Variants in CUL2 observed in about 807,000 individuals in gnomAD.
CUL2 encodes the protein cullin-2.
In CUL2, 22 loss-of-function variants were observed where a neutral mutation model predicts 110.2. The ratio of observed to expected loss-of-function variants is 0.20; its 90% CI spans 0.14 to 0.28. The LOEUF is 0.28. Among genes scored for constraint, CUL2 ranks in the 10% least tolerant of loss-of-function variants. The pLI is 1.00. For synonymous variants in CUL2, 279 were observed against 293.2 expected (o/e 0.95, Z 0.49); for missense variants, 631 against 905.5 (o/e 0.70, Z 3.89).
intron 2 of CUL2, among the ~76,000 whole-genome samples, chr10:35,096,345 C>T (rs2087299820): frequency 6.6e-6 from 1 of 152,176 alleles, no homozygotes; most frequent in Admixed American, 6.6e-5. Context: ...TGGCTCATGC[C>T]TGTAATCCCA....
chr10:35,033,712 G>C (rs1211371817), intron 10 of CUL2, among the ~76,000 whole-genome samples: 3 of 150,872 alleles, frequency 2.0e-5, no homozygotes, highest in Admixed American at 1.3e-4. Flanking sequence ...ACTCCAGCTT[G>C]GGCGACAGAG....
At chr10:35,013,437 GAGA>G (rs2084953627) in intron 19 of CUL2, among the ~76,000 whole-genome samples, 1 of 151,982 alleles carries the variant, frequency 6.6e-6, no homozygotes, top group African/African-American at 2.4e-5. Flanking sequence ...GGAATTTTCG[GAGA>G]GAATGCATAG....
intron 16 of CUL2, among the ~76,000 whole-genome samples, chr10:35,026,634 C>T (rs971677503): frequency 2.0e-5 from 3 of 152,030 alleles, no homozygotes; most frequent in Admixed American, 2.0e-4. Context: ...CTGATTCATC[C>T]TTACATTTAA....
At chr10:35,122,319 G>GA (rs1203126393) in intron 1 of CUL2, among the ~76,000 whole-genome samples, 1 of 152,194 alleles carries the variant, frequency 6.6e-6, no homozygotes, top group Non-Finnish European at 1.5e-5. Context: ...TGGTCTAGTA[G>GA]AAAGAGTACA....
At chr10:35,094,985 A>T (rs778952806), upstream of CUL2, among the ~76,000 whole-genome samples, 21 of 152,020 alleles carry the variant, frequency 1.4e-4, no homozygotes, top group Non-Finnish European at 2.2e-4. Context: ...TTGGCCTTGT[A>T]TGTTTATTTA....
chr10:35,038,412 G>C (rs1321157888), intron 9 of CUL2, among the ~76,000 whole-genome samples: 1 of 146,412 alleles, frequency 6.8e-6, no homozygotes, highest in Non-Finnish European at 1.5e-5. Context: ...TGTAATCCCA[G>C]CTACTCAGGA....
chr10:35,095,608 G>A (rs765624790), upstream of CUL2, among the ~76,000 whole-genome samples: 1 of 152,088 alleles, frequency 6.6e-6, no homozygotes, highest in Non-Finnish European at 1.5e-5. Context: ...GCCCGGGCTG[G>A]AGTGCAGTGG....
At chr10:35,082,928 C>A (rs1237356320) in intron 1 of CUL2, among the ~76,000 whole-genome samples, 2 of 151,994 alleles carry the variant, frequency 1.3e-5, no homozygotes, top group African/African-American at 2.4e-5. Flanking sequence ...GAGGCCAAGG[C>A]GGGCAGATCA....
At chr10:35,037,706 G>A (rs1399581591) in intron 9 of CUL2, among the ~76,000 whole-genome samples, 1 of 152,068 alleles carries the variant, frequency 6.6e-6, no homozygotes, top group African/African-American at 2.4e-5. Context: ...AGCCAGGTGT[G>A]GGGGCGGATG....
At chr10:35,069,596 A>G (rs1000171007) in intron 2 of CUL2, among the ~76,000 whole-genome samples, 2 of 152,166 alleles carry the variant, frequency 1.3e-5, no homozygotes, top group African/African-American at 4.8e-5. Context: ...TAGATGGACC[A>G]AACAAATAAC....
chr10:35,077,335 AAAAC>A (rs1041473277), intron 1 of CUL2, among the ~76,000 whole-genome samples: 2 of 150,784 alleles, frequency 1.3e-5, no homozygotes, highest in Non-Finnish European at 3.0e-5. Context: ...ACAAACAAAA[AAAAC>A]AAACAAAAAT....
Position 35,062,989 on chromosome 10 carries a change from A to G in CUL2, c.193T>C (p.Leu65=). 6.2e-7 allele frequency: 1 copy of G among 1,610,074 alleles called. No homozygotes were observed. The highest frequency in any genetic ancestry group is 8.5e-7 in the Non-Finnish European group (1 of 1,176,490). ...ERLYTETKIF[L]ENHVRHLHKR... is the part of the protein sequence containing the mutation. ...TGCAAATGCCGAACATGATTTTCCAAAAAAATCTTAGTTTCTGTATAAAGT... is the reference window on the plus strand; with the variant it reads ...TGCAAATGCCGAACATGATTTTCCAGAAAAATCTTAGTTTCTGTATAAAGT... Residue 65 remains leucine (L), a synonymous_variant, in exon 3 of 21, where the codon TTG becomes CTG. Transcript: ENST00000374749.
chr10:35,095,760 C>T (rs1243279272), intron 2 of CUL2, among the ~76,000 whole-genome samples: 3 of 152,076 alleles, frequency 2.0e-5, no homozygotes, highest in African/African-American at 7.2e-5. Context: ...AAGGTTTCAC[C>T]ATATTGGCCA....
chr10:35,096,120 T>C (rs1373496165), intron 2 of CUL2, among the ~76,000 whole-genome samples: 1 of 151,818 alleles, frequency 6.6e-6, no homozygotes, highest in Non-Finnish European at 1.5e-5. Flanking sequence ...TGGTGGTGTG[T>C]GCCTGTAATC....
At chr10:35,098,926 T>C (rs1170450079) in intron 2 of CUL2, among the ~76,000 whole-genome samples, 1 of 151,910 alleles carries the variant, frequency 6.6e-6, no homozygotes, top group East Asian at 2.0e-4. Context: ...AAAGCAAGAC[T>C]CTGTCTCGAA....
chr10:35,091,909 T>C (rs1459258995), upstream of CUL2, among the ~76,000 whole-genome samples: 1 of 151,964 alleles, frequency 6.6e-6, no homozygotes, highest in Non-Finnish European at 1.5e-5. Context: ...ATTACAGGCC[T>C]GAGCCACCGT....
chr10:35,098,553 T>A (rs537429436), intron 2 of CUL2, among the ~76,000 whole-genome samples: 2 of 150,930 alleles, frequency 1.3e-5, no homozygotes, highest in African/African-American at 2.4e-5. Flanking sequence ...AAAAAAAAAA[T>A]GTGTGTTACC....
At chr10:35,052,476 G>A (rs868444755) in intron 5 of CUL2, among the ~76,000 whole-genome samples, 80 of 152,208 alleles carry the variant, frequency 5.3e-4, no homozygotes, top group African/African-American at 1.8e-3. Context: ...AACTCCATGA[G>A]CATAAGATTT....
intron 6 of CUL2, among the ~76,000 whole-genome samples, chr10:35,047,586 G>T (rs1307718532): frequency 1.3e-5 from 2 of 149,526 alleles, no homozygotes; most frequent in African/African-American, 2.5e-5. Context: ...CTCCAACCTG[G>T]GCAACAGAGC....
Sources: allele counts gnomAD v4.1 joint callset (sites outside exome capture counted in the v4.1 genomes callset), GRCh38; gene constraint gnomAD v4.1.1; transcripts MANE v1.5; gene names NCBI Gene and HGNC (gene_info 2026-07-23, HGNC 2026-07-21).